NSRP1: variants seen among roughly 807,000 people sequenced by gnomAD.
The protein encoded by NSRP1 is nuclear speckle splicing regulatory protein 1.
In NSRP1, 24 loss-of-function variants were observed where a neutral mutation model predicts 54.7. The observed-to-expected ratio is 0.44, with a 90% CI of 0.32 to 0.62. The LOEUF is 0.62. Among genes scored for constraint, NSRP1 ranks in the 20% least tolerant of loss-of-function variants. The pLI is 0.06. For synonymous variants in NSRP1, 210 were observed against 213.8 expected (o/e 0.98, Z 0.15); for missense variants, 596 against 651.2 (o/e 0.92, Z 0.92).
chr17:30,165,668 T>G (rs1027188314), intron 2 of NSRP1, among the ~76,000 whole-genome samples: 1 of 152,208 alleles, frequency 6.6e-6, no homozygotes, highest in Admixed American at 6.5e-5. Flanking sequence ...TGTTTATGAA[T>G]TAGTTCCTAC....
At chr17:30,118,217 A>G (rs780624230) in intron 2 of NSRP1, 44 bp downstream of exon 2, 2 of 1,512,030 alleles carry the variant, frequency 1.3e-6, no homozygotes, top group Non-Finnish European at 1.8e-6. Flanking sequence ...GGAAATGTAA[A>G]TTTTTTAAAA....
At chr17:30,125,016 T>C (rs990178563) in intron 2 of NSRP1, among the ~76,000 whole-genome samples, 4 of 152,266 alleles carry the variant, frequency 2.6e-5, no homozygotes, top group South Asian at 4.1e-4. Context: ...CTGGCCAATA[T>C]GGTGAAACAC....
At chr17:30,157,281 A>G (rs1228426001) in intron 2 of NSRP1, among the ~76,000 whole-genome samples, 1 of 152,096 alleles carries the variant, frequency 6.6e-6, no homozygotes, top group Non-Finnish European at 1.5e-5. Flanking sequence ...GGCTACTCAT[A>G]TGTATTTTGA....
chr17:30,158,886 G>C (rs1380910348), intron 2 of NSRP1, among the ~76,000 whole-genome samples: 1 of 152,140 alleles, frequency 6.6e-6, no homozygotes. Context: ...ATATTTTGAA[G>C]TCAGGTAGTG....
intron 2 of NSRP1, among the ~76,000 whole-genome samples, chr17:30,162,104 C>T (rs1904539782): frequency 6.6e-6 from 1 of 151,226 alleles, no homozygotes; most frequent in Non-Finnish European, 1.5e-5. Context: ...TCACTACAAC[C>T]TCCTCCATCT....
In NSRP1 at chr17:30,185,070, G is replaced by A; in HGVS notation, c.1073G>A (p.Arg358Lys). The change falls in exon 7 of 7, where the codon AGG becomes AAG. Residue 358 changes from arginine to lysine, a missense_variant. Physicochemically the swap from Arg to Lys is conservative, Grantham distance 26. Transcript: ENST00000247026. ...AGTCATAGAGATTCCCATTGGAAGAGGCATGAACAGGAAGATAAACCAAGG... is the reference window on the plus strand; with the variant it reads ...AGTCATAGAGATTCCCATTGGAAGAAGCATGAACAGGAAGATAAACCAAGG... ...EASHRDSHWK[R>K]HEQEDKPRAR... The A allele has an allele frequency of 6.2e-7, 1 of 1,614,078 alleles. No homozygotes were observed. The highest frequency in any genetic ancestry group is 8.5e-7 in the Non-Finnish European group (1 of 1,180,016).
rs761197784 is a variant in NSRP1 at position 30,184,915 on chromosome 17, A to T, written c.918A>T (p.Gly306=). The T allele has an allele frequency of 3.1e-6, 5 of 1,614,202 alleles. No homozygotes were observed. The highest frequency in any genetic ancestry group is 4.2e-6 in the Non-Finnish European group (5 of 1,180,048). ...RGHSTRHHTK[G]SRTSRGHEKR... is the part of the protein sequence containing the mutation. ...ACAGTACCAGGCACCACACGAAAGG[A>T]TCACGAACGTCGAGAGGACATGAGA... The change falls in exon 7 of 7, where the codon GGA becomes GGT. Residue 306 remains glycine (G), a synonymous_variant. Transcript: ENST00000247026.
chr17:30,133,617 C>T (rs1483876798), intron 2 of NSRP1, among the ~76,000 whole-genome samples: 3 of 152,102 alleles, frequency 2.0e-5, no homozygotes, highest in African/African-American at 7.2e-5. Flanking sequence ...TGAAGCCAAG[C>T]GTTGACTTCT....
rs1381468888 is a variant in NSRP1, at chr17:30,149,854, AT to A, written c.115-22687del. Among the ~76,000 whole-genome samples, 504 of 150,976 alleles carry A rather than the reference AT, an allele frequency of 3.3e-3. 5 individuals carry two copies. The highest frequency in any genetic ancestry group is 0.011 in the African/African-American group (465 of 41,038). ...TGTCTCAAAAAAAAAAAAAAAAAAA[AT>A]ACCAAAAGCTCTGTGGTTTTTAGTA... On this transcript the variant is annotated intron_variant, in intron 2 of 6. Transcript: ENST00000247026.
chr17:30,144,806 A>G (rs1472197303), intron 2 of NSRP1: 1 of 152,168 alleles, frequency 6.6e-6, no homozygotes, highest in East Asian at 1.9e-4. Context: ...GCACACTCCT[A>G]TCATCAGCCT....
At chr17:30,140,948 G>A (rs547519217) in intron 2 of NSRP1, among the ~76,000 whole-genome samples, 2 of 152,178 alleles carry the variant, frequency 1.3e-5, no homozygotes, top group African/African-American at 4.8e-5. Context: ...CTAAGTAGCT[G>A]GGATTACAGC....
chr17:30,169,260 C>G (rs1484584487), intron 2 of NSRP1, among the ~76,000 whole-genome samples: 1 of 151,958 alleles, frequency 6.6e-6, no homozygotes, highest in Non-Finnish European at 1.5e-5. Flanking sequence ...TGAGAATCTT[C>G]CATAACAACC....
chr17:30,131,503 T>A (rs566320785), intron 2 of NSRP1, among the ~76,000 whole-genome samples: 9 of 152,336 alleles, frequency 5.9e-5, no homozygotes, highest in African/African-American at 2.2e-4. Context: ...AAAAGTTATG[T>A]TTATGCTATG....
intron 2 of NSRP1, among the ~76,000 whole-genome samples, chr17:30,124,831 T>G (rs1187448564): frequency 6.6e-6 from 1 of 152,206 alleles, no homozygotes; most frequent in Non-Finnish European, 1.5e-5. Flanking sequence ...TTTCCTTACC[T>G]ATAAAAAAAT....
intron 3 of NSRP1, among the ~76,000 whole-genome samples, chr17:30,176,041 T>C (rs1370815100): frequency 1.3e-5 from 2 of 151,568 alleles, no homozygotes; most frequent in East Asian, 1.9e-4. Context: ...ATGTTCTCTA[T>C]GTGTCCATTG....
intron 6 of NSRP1, among the ~76,000 whole-genome samples, chr17:30,181,295 T>C (rs1296582912): frequency 1.3e-5 from 2 of 152,186 alleles, no homozygotes; most frequent in Admixed American, 6.5e-5. Flanking sequence ...GACAGACTTT[T>C]AATGTATAAA....
intron 6 of NSRP1, among the ~76,000 whole-genome samples, chr17:30,183,206 GTC>G (rs914165565): frequency 2.7e-5 from 4 of 148,068 alleles, no homozygotes; most frequent in Admixed American, 7.0e-5. Flanking sequence ...AGGTAAAAGA[GTC>G]TGTCCTAAGC....
intron 5 of NSRP1, among the ~76,000 whole-genome samples, chr17:30,180,299 G>A (rs958342664): frequency 1.4e-4 from 21 of 152,116 alleles, no homozygotes; most frequent in Non-Finnish European, 2.8e-4. Context: ...TGGGATTACA[G>A]GCATGCACCA....
chr17:30,180,403 A>G (rs1468905514), intron 5 of NSRP1, among the ~76,000 whole-genome samples: 1 of 151,288 alleles, frequency 6.6e-6, no homozygotes, highest in African/African-American at 2.4e-5. Context: ...TGATCCACCC[A>G]CCTCAGCCTC....
Sources: gnomAD v4.1 joint callset for allele counts (sites outside exome capture counted in the v4.1 genomes callset) on GRCh38, gnomAD v4.1.1 for gene constraint, MANE v1.5 for transcripts, NCBI Gene and HGNC (gene_info 2026-07-23, HGNC 2026-07-21) for gene names.